The following RGS22 variants were observed in gnomAD, a reference collection of about 807,000 sequenced individuals.
The protein encoded by RGS22 is regulator of G-protein signaling 22.
In RGS22, 148 loss-of-function variants were observed where a neutral mutation model predicts 172.9. That is an observed-to-expected ratio of 0.86 (90% CI 0.75 to 0.98). RGS22 has a LOEUF of 0.98. RGS22 is among the 50% of genes least tolerant of loss of function. RGS22 has a pLI of 0.00. For missense variants in RGS22, 1,347 were observed against 1,440.8 expected (o/e 0.93, Z 1.05); for synonymous variants, 458 against 480.2 (o/e 0.95, Z 0.60).
chr8:100,092,665 G>A (rs1215148463), intron 3 of RGS22, among the ~76,000 whole-genome samples: 3 of 152,070 alleles, frequency 2.0e-5, no homozygotes, highest in African/African-American at 7.2e-5. Flanking sequence ...CCTTGATCTT[G>A]GACTTTTCAA....
chr8:100,086,869 A>G (rs1374857777), intron 3 of RGS22, among the ~76,000 whole-genome samples: 1 of 152,132 alleles, frequency 6.6e-6, no homozygotes, highest in Non-Finnish European at 1.5e-5. Flanking sequence ...AGGAGGAGCC[A>G]CTGAAGAGTT....
chr8:100,052,401 C>A lies in RGS22; in HGVS notation c.1689+401G>T, dbSNP rs1182479370. 2.7e-5 allele frequency among the ~76,000 whole-genome samples: 4 copies of A among 150,650 alleles called. No individual in the cohort carries two copies. The Admixed American group carries it at 2.7e-4, about 10-fold the overall frequency. On this transcript the variant is annotated intron_variant, in intron 10 of 27. Transcript: ENST00000360863. ...ACTGCAAGCTCCGCCTCCCGGATTC[C>A]CGCCATTCTCCTGCCTCAGCCTCCC... is the stretch of plus-strand genomic sequence containing the variant.
At chr8:99,986,596 A>G (rs562077414) in intron 21 of RGS22, among the ~76,000 whole-genome samples, 223 of 152,322 alleles carry the variant, frequency 1.5e-3, no homozygotes, top group Non-Finnish European at 2.2e-3. Context: ...CATAACATGG[A>G]AAGTCCCTTC....
rs966148277 is a variant in RGS22 at position 99,961,199 on chromosome 8, G to T, written c.*46-3C>A. 2 of 451,900 alleles carry T rather than the reference G, an allele frequency of 4.4e-6. No individual in the cohort carries two copies. Among genetic ancestry groups the T allele is most frequent in the Admixed American group, 4.7e-5 (2 of 42,140 alleles). 28.0% of individuals were successfully genotyped at this position (451,900 alleles called of 1,614,324 possible). A position where few individuals can be genotyped will look rare whatever the true frequency, so the allele number is the denominator to read the frequency against. ...GCAGAATCTGGTTTAAAGAATTCCT[G>T]CAAAGGAAACATAAATGGATGAAAA... is the stretch of plus-strand genomic sequence containing the variant. On this transcript the variant is annotated splice_region_variant and splice_polypyrimidine_tract_variant and intron_variant, in intron 27 of 27. Transcript: ENST00000360863.
At chr8:100,070,766 C>G (rs1810906796) in intron 6 of RGS22, among the ~76,000 whole-genome samples, 1 of 152,024 alleles carries the variant, frequency 6.6e-6, no homozygotes, top group African/African-American at 2.4e-5. Context: ...TATTTGAAAT[C>G]ATTTTTTCTG....
At chr8:99,990,914 G>A (rs1813650305) in intron 20 of RGS22, among the ~76,000 whole-genome samples, 1 of 152,146 alleles carries the variant, frequency 6.6e-6, no homozygotes, top group Non-Finnish European at 1.5e-5. Context: ...TCCAGAGGAA[G>A]GATCAGGCAG....
intron 6 of RGS22, among the ~76,000 whole-genome samples, chr8:100,067,225 T>C (rs1586189006): frequency 6.6e-6 from 1 of 152,054 alleles, no homozygotes; most frequent in Admixed American, 6.6e-5. Flanking sequence ...AGAATTAACA[T>C]AGCAAGTCAA....
chr8:100,085,302 A>G lies in RGS22; in HGVS notation c.118-4947T>C, dbSNP rs1812082798. Among the ~76,000 whole-genome samples, 5 of 152,164 alleles carry G rather than the reference A, an allele frequency of 3.3e-5. No homozygotes were observed. In the South Asian group the frequency reaches 1.0e-3, roughly 32 times the overall value. ...TCATAATATCCTATTTAATATATTG[A>G]GTGAGCCAATACAGGGCATCCTCCA... On this transcript the variant is annotated intron_variant, in intron 3 of 27. Coordinates refer to ENST00000360863, the MANE Select transcript of RGS22 (RefSeq NM_015668.5).
intron 14 of RGS22, chr8:100,038,418 T>C (rs1001121614): frequency 4.6e-5 from 7 of 152,312 alleles, no homozygotes; most frequent in African/African-American, 1.7e-4. Context: ...CTGTCTCCTA[T>C]GACATGTAGA....
At chr8:100,097,379 G>T (rs1289172783) in intron 2 of RGS22, among the ~76,000 whole-genome samples, 1 of 152,142 alleles carries the variant, frequency 6.6e-6, no homozygotes, top group Non-Finnish European at 1.5e-5. Context: ...TACTTATGAA[G>T]TATTTACAGG....
chr8:99,996,992 T>G (rs974887254), intron 19 of RGS22, among the ~76,000 whole-genome samples: 72 of 152,212 alleles, frequency 4.7e-4, no homozygotes, highest in African/African-American at 1.7e-3. Context: ...CCTGTGCTAT[T>G]GACTCTATCT....
At chr8:100,086,677 A>G (rs1043102027) in intron 3 of RGS22, among the ~76,000 whole-genome samples, 8 of 152,032 alleles carry the variant, frequency 5.3e-5, no homozygotes, top group African/African-American at 1.9e-4. Context: ...CAGGTAACAA[A>G]CCTGCACATG....
At chr8:100,047,671 G>A in intron 10 of RGS22, 75 bp from the exon 11 acceptor site, 2 of 1,330,056 alleles carry the variant, frequency 1.5e-6, no homozygotes, top group Non-Finnish European at 2.0e-6. Flanking sequence ...CCTCAAATTT[G>A]TTCTCATCAC....
chr8:100,103,672 G>A (rs1217471359), intron 2 of RGS22, among the ~76,000 whole-genome samples: 48 of 152,172 alleles, frequency 3.2e-4, no homozygotes, highest in Admixed American at 3.1e-3. Context: ...AGGAGGAGAA[G>A]AGGAGCTCAC....
chr8:99,962,415 A>G lies in RGS22; in HGVS notation c.*24T>C, dbSNP rs774419236. ...GTACCTTGAACCTATCAGCAGCAGG[A>G]TGTAAACATTCACAAGAATGCTGTC... On this transcript the variant is annotated 3_prime_UTR_variant, in exon 27 of 28. Transcript: ENST00000360863. 3.7e-6 allele frequency: 6 copies of G among 1,613,168 alleles called. No homozygotes were observed. The highest frequency in any genetic ancestry group is 4.2e-6 in the Non-Finnish European group (5 of 1,179,150).
intron 14 of RGS22, among the ~76,000 whole-genome samples, chr8:100,034,454 C>G (rs113212414): frequency 4.6e-5 from 7 of 151,840 alleles, no homozygotes; most frequent in African/African-American, 1.7e-4. Flanking sequence ...CACTGCTCAA[C>G]GAAATAAAAG....
chr8:100,029,004 A>C (rs1306339418), intron 14 of RGS22, among the ~76,000 whole-genome samples: 1 of 152,204 alleles, frequency 6.6e-6, no homozygotes, highest in Admixed American at 6.5e-5. Context: ...TTAGAGAAGC[A>C]AACTGCCACA....
chr8:100,095,156 T>A (rs1045924826), intron 2 of RGS22, among the ~76,000 whole-genome samples: 1 of 152,162 alleles, frequency 6.6e-6, no homozygotes, highest in Non-Finnish European at 1.5e-5. Flanking sequence ...TCTAACTCAA[T>A]GAACTATCTG....
At chr8:100,101,384 T>TCAAGCGATTCTCCTGCCTC (rs1445651630) in intron 2 of RGS22, among the ~76,000 whole-genome samples, 1 of 151,566 alleles carries the variant, frequency 6.6e-6, no homozygotes, top group East Asian at 1.9e-4. Flanking sequence ...CCTCCTGGAT[T>TCAAGCGATTCTCCTGCCTC]CAAGCGATTC....
Sources: gnomAD v4.1 joint callset for allele counts (sites outside exome capture counted in the v4.1 genomes callset) on GRCh38, gnomAD v4.1.1 for gene constraint, MANE v1.5 for transcripts, NCBI Gene and HGNC (gene_info 2026-07-23, HGNC 2026-07-21) for gene names.